Variants in AK9 observed in about 807,000 individuals in gnomAD.
AK9 encodes the protein adenylate kinase 9, also known as adenylate kinase domain containing 1.
Under a neutral mutation model 239.6 loss-of-function variants are expected in AK9, and 191 were observed. The ratio of observed to expected loss-of-function variants is 0.80; its 90% CI spans 0.71 to 0.90. The LOEUF (loss-of-function observed/expected upper bound fraction) is 0.90, where lower values mean the gene tolerates loss of function less well. Ranked by LOEUF, AK9 falls within the 40% of genes least tolerant of loss-of-function variation. AK9 has a pLI of 0.00. For synonymous variants in AK9, 689 were observed against 721.0 expected (o/e 0.96, Z 0.71); for missense variants, 1,995 against 2,214.7 (o/e 0.90, Z 1.99).
chr6:109,644,784 G>A, intron 8 of AK9, 96 bp from the exon 9 acceptor site: 1 of 1,064,396 alleles, frequency 9.4e-7, no homozygotes, highest in Non-Finnish European at 1.3e-6. Context: ...TATATTTAAA[G>A]TAAATTGTTT....
intron 12 of AK9, chr6:109,632,067 G>A: frequency 1.3e-6 from 1 of 749,300 alleles, no homozygotes; most frequent in Non-Finnish European, 1.6e-6. Context: ...GAGGGCGTCT[G>A]GGTGCTGGCA....
chr6:109,667,451 G>C (rs1336114886), intron 5 of AK9, among the ~76,000 whole-genome samples: 3 of 151,870 alleles, frequency 2.0e-5, no homozygotes, highest in Non-Finnish European at 4.4e-5. Flanking sequence ...TGTGCACAAT[G>C]TGCAGGTTTG....
intron 24 of AK9, among the ~76,000 whole-genome samples, chr6:109,558,959 T>C (rs941119916): frequency 1.3e-5 from 2 of 151,758 alleles, no homozygotes; most frequent in African/African-American, 4.8e-5. Flanking sequence ...TCAAACGATT[T>C]TCGTGTCTCA....
intron 32 of AK9, among the ~76,000 whole-genome samples, chr6:109,512,975 C>T (rs1456204964): frequency 6.6e-6 from 1 of 152,286 alleles, no homozygotes; most frequent in African/African-American, 2.4e-5. Context: ...GTGGTCCTCC[C>T]ACCTCAGCCT....
At position 109,536,244 on chromosome 6, in the gene AK9, G is replaced by A. The variant is rs563685251; in HGVS notation, c.3351-2774C>T. 4.0e-3 allele frequency among the ~76,000 whole-genome samples: 612 copies of A among 152,276 alleles called. 5 individuals are homozygous for A. Among genetic ancestry groups the A allele is most frequent in the African/African-American group, 0.014 (587 of 41,544 alleles). ...TTGATTCTTCCTATCCATGAGCATG[G>A]AATGTTCTTCCATTTGTTTGTGTCC... On this transcript the variant is annotated intron_variant, in intron 27 of 40. Transcript: ENST00000424296.
At chr6:109,632,640 G>T in intron 12 of AK9, 1 of 565,152 alleles carries the variant, frequency 1.8e-6, no homozygotes, top group Non-Finnish European at 2.5e-6. Context: ...AACCAAGAAA[G>T]CTAATAGGTG....
intron 17 of AK9, among the ~76,000 whole-genome samples, chr6:109,608,306 C>T (rs566397798): frequency 6.7e-6 from 1 of 148,894 alleles, no homozygotes; most frequent in African/African-American, 2.5e-5. Context: ...AAACTACAGT[C>T]GTTAAGACAT....
intron 12 of AK9, among the ~76,000 whole-genome samples, chr6:109,621,982 G>C (rs114555481): frequency 0.025 from 2,886 of 115,454 alleles, 98 homozygotes; most frequent in African/African-American, 0.093. Context: ...AACTGTCAAA[G>C]ATATGTTCAT....
Position 109,573,555 on chromosome 6 carries a change from T to C in AK9, c.2231A>G (p.Glu744Gly). Residue 744 changes from glutamate to glycine, a missense_variant, in exon 21 of 41, where the codon GAA becomes GGA. Physicochemically the swap from Glu to Gly is moderately conservative, Grantham distance 98. Transcript: ENST00000424296. ...TTCGTGAACTTCCAACTCATCACCT[T>C]CAATCTCCTCTTCATCCTCATTATC... The part of the protein sequence containing the change: ...ETDNEDEEEI[E>G]GDELEVHEEP... The C allele has an allele frequency of 6.4e-7, 1 of 1,550,936 alleles. No individual in the cohort carries two copies. Among genetic ancestry groups the C allele is most frequent in the Non-Finnish European group, 8.7e-7 (1 of 1,146,572 alleles).
rs550919130 is a variant in AK9 at position 109,582,042 on chromosome 6, CT to C, written c.2115-2417del. On this transcript the variant is annotated intron_variant, in intron 19 of 40. Coordinates refer to ENST00000424296, the MANE Select transcript of AK9 (RefSeq NM_001145128.3). ...TGCCAGTACATCTGTTTACAGCATG[CT>C]TTACTGAGTATTTTAACTGCTGTTG... Among the ~76,000 whole-genome samples, 651 of 152,268 alleles carry C rather than the reference CT, an allele frequency of 4.3e-3. 2 individuals carry two copies. The highest frequency in any genetic ancestry group is 4.4e-3 in the Non-Finnish European group (299 of 67,998).
intron 17 of AK9, among the ~76,000 whole-genome samples, chr6:109,599,065 G>A (rs1199413272): frequency 6.6e-6 from 1 of 152,176 alleles, no homozygotes; most frequent in Non-Finnish European, 1.5e-5. Flanking sequence ...CTGGGCAGAA[G>A]CTCTTTAGTT....
chr6:109,661,046 G>T, intron 6 of AK9: 1 of 399,038 alleles, frequency 2.5e-6, no homozygotes, highest in Admixed American at 2.9e-5. Flanking sequence ...GAATGCTTAG[G>T]GATTTATGGA....
chr6:109,510,728 C>T (rs1778648523), intron 32 of AK9, among the ~76,000 whole-genome samples: 1 of 152,210 alleles, frequency 6.6e-6, no homozygotes, highest in Non-Finnish European at 1.5e-5. Flanking sequence ...CCTCATTCTT[C>T]CTGGATGCAG....
intron 17 of AK9, among the ~76,000 whole-genome samples, chr6:109,603,638 G>T (rs1023385776): frequency 3.3e-5 from 5 of 152,194 alleles, no homozygotes; most frequent in Non-Finnish European, 7.4e-5. Flanking sequence ...GGTTTCTGCT[G>T]CCTTTTGTTT....
At chr6:109,565,674 G>A (rs1786385802) in intron 21 of AK9, among the ~76,000 whole-genome samples, 1 of 152,150 alleles carries the variant, frequency 6.6e-6, no homozygotes, top group Non-Finnish European at 1.5e-5. Context: ...TACAGATCCA[G>A]CAGAGGTAGT....
rs560634729 is a variant in AK9, at chr6:109,665,254, T to C, written c.332-2591A>G. ...ATCTTGGTTTTAGATATATGAACTGTAGGTATGATTCCCTCTTGTCTTGCT... is the reference window on the plus strand; with the variant it reads ...ATCTTGGTTTTAGATATATGAACTGCAGGTATGATTCCCTCTTGTCTTGCT... On this transcript the variant is annotated intron_variant, in intron 5 of 40. Transcript: ENST00000424296. 1.0e-3 allele frequency among the ~76,000 whole-genome samples: 154 copies of C among 152,342 alleles called. No homozygotes were observed. In the South Asian group the frequency reaches 0.017, roughly 17 times the overall value.
At chr6:109,590,486 G>C (rs1026990894) in intron 17 of AK9, among the ~76,000 whole-genome samples, 1 of 151,824 alleles carries the variant, frequency 6.6e-6, no homozygotes, top group Non-Finnish European at 1.5e-5. Flanking sequence ...TATCAATTTT[G>C]CTTATTTTTT....
At chr6:109,670,459 G>C (rs1254897139) in intron 5 of AK9, among the ~76,000 whole-genome samples, 1 of 152,132 alleles carries the variant, frequency 6.6e-6, no homozygotes, top group African/African-American at 2.4e-5. Flanking sequence ...AGTTGGTTTT[G>C]GACATATGCT....
intron 10 of AK9, among the ~76,000 whole-genome samples, chr6:109,636,498 A>G (rs1796723323): frequency 6.6e-6 from 1 of 151,574 alleles, no homozygotes; most frequent in Admixed American, 6.6e-5. Flanking sequence ...CACCACCTCT[A>G]TTCATTTCCA....
Sources: gnomAD v4.1 joint callset for allele counts (sites outside exome capture counted in the v4.1 genomes callset) on GRCh38, gnomAD v4.1.1 for gene constraint, MANE v1.5 for transcripts, NCBI Gene and HGNC (gene_info 2026-07-23, HGNC 2026-07-21) for gene names.